RSPO4: variants seen among roughly 807,000 people sequenced by gnomAD.
RSPO4 encodes R-spondin-4.
Under a neutral mutation model 24.8 loss-of-function variants are expected in RSPO4, and 23 were observed. The ratio of observed to expected loss-of-function variants is 0.93; its 90% CI spans 0.67 to 1.31. RSPO4 has a LOEUF of 1.31. Among genes scored for constraint, RSPO4 ranks in the 40% most tolerant of loss-of-function variants. RSPO4 has a pLI of 0.00. For missense variants in RSPO4, 333 were observed against 316.5 expected (o/e 1.05, Z -0.39); for synonymous variants, 141 against 127.4 (o/e 1.11, Z -0.72).
At chr20:996,202 G>A (rs570694402) in intron 1 of RSPO4, among the ~76,000 whole-genome samples, 1 of 147,398 alleles carries the variant, frequency 6.8e-6, no homozygotes, top group Non-Finnish European at 1.5e-5. Flanking sequence ...ATTTTAGTCA[G>A]TGCTATTCCA....
At chr20:992,540 C>G (rs1183833050) in intron 1 of RSPO4, among the ~76,000 whole-genome samples, 1 of 152,164 alleles carries the variant, frequency 6.6e-6, no homozygotes, top group Admixed American at 6.5e-5. Context: ...CCTCTCCCCC[C>G]ATGACGCATG....
intron 1 of RSPO4, among the ~76,000 whole-genome samples, chr20:1,000,766 A>T (rs1414197755): frequency 6.6e-6 from 1 of 152,164 alleles, no homozygotes; most frequent in African/African-American, 2.4e-5. Context: ...GTCCCCATAG[A>T]GTCCCAAACT....
Position 1,002,132 on chromosome 20 carries a change from G to GTTTTT in RSPO4, c.32_33insAAAAA (p.Ala12LysfsTer11), listed in dbSNP as rs1985489723. 6.4e-7 allele frequency: 1 copy of GTTTTT among 1,565,220 alleles called. No individual in the cohort carries two copies. The highest frequency in any genetic ancestry group is 1.9e-5 in the Admixed American group (1 of 53,656). Reference sequence around the variant, plus strand: ...GGGCGAGCATGTCCACGGCGTGGGCGACGAGCAGGAGCAGGCAGAGTGGCG... The same window carrying GTTTTT: ...GGGCGAGCATGTCCACGGCGTGGGCGTTTTTACGAGCAGGAGCAGGCAGAGTGGCG... On this transcript the variant is annotated frameshift_variant, in exon 1 of 5. Transcript: ENST00000217260. LOFTEE classifies it high-confidence loss of function. This position sits in a 1 kb window ranked among gnomAD's most constrained non-coding sequence, Gnocchi z 4.6.
At chr20:972,383 C>T (rs895373629) in intron 1 of RSPO4, among the ~76,000 whole-genome samples, 3 of 152,226 alleles carry the variant, frequency 2.0e-5, no homozygotes, top group African/African-American at 2.4e-5. Context: ...TGATATTAAG[C>T]GGAGTTTATG....
intron 1 of RSPO4, among the ~76,000 whole-genome samples, chr20:993,634 G>A (rs1046653026): frequency 1.3e-5 from 2 of 152,186 alleles, no homozygotes; most frequent in African/African-American, 4.8e-5. Context: ...AGGAGGGCTG[G>A]CATGGTGGTT....
chr20:974,180 G>C (rs1363239066), intron 1 of RSPO4, among the ~76,000 whole-genome samples: 1 of 152,198 alleles, frequency 6.6e-6, no homozygotes, highest in Non-Finnish European at 1.5e-5. Context: ...AGCGTCTGCT[G>C]TGGGCCAGGA....
intron 4 of RSPO4, among the ~76,000 whole-genome samples, chr20:960,669 G>T (rs542451): frequency 0.19 from 29,245 of 152,230 alleles, 6,212 homozygotes; most frequent in African/African-American, 0.53. Flanking sequence ...TTCTCTCTAG[G>T]TCTTCAGGGA....
At chr20:980,725 A>C (rs1334497456) in intron 1 of RSPO4, among the ~76,000 whole-genome samples, 1 of 152,064 alleles carries the variant, frequency 6.6e-6, no homozygotes, top group Non-Finnish European at 1.5e-5. Flanking sequence ...ACATTTGTTG[A>C]TTTCATGGCC....
chr20:971,886 C>T (rs1984419115), intron 1 of RSPO4, among the ~76,000 whole-genome samples: 2 of 152,156 alleles, frequency 1.3e-5, no homozygotes, highest in South Asian at 4.1e-4. Context: ...ATTCTTTCTT[C>T]TCCTTCTCCA....
chr20:999,478 C>A (rs1985397333), intron 1 of RSPO4, among the ~76,000 whole-genome samples: 1 of 152,178 alleles, frequency 6.6e-6, no homozygotes, highest in Non-Finnish European at 1.5e-5. Context: ...ACTGCAGTGC[C>A]AGTGGGAAAC....
At chr20:992,535 C>T (rs1419413693) in intron 1 of RSPO4, among the ~76,000 whole-genome samples, 1 of 152,104 alleles carries the variant, frequency 6.6e-6, no homozygotes, top group East Asian at 1.9e-4. Flanking sequence ...CCCAACCTCT[C>T]CCCCCATGAC....
Position 964,240 on chromosome 20 carries a change from TC to T in RSPO4, c.410-121del, listed in dbSNP as rs201037847. On this transcript the variant is annotated intron_variant, in intron 3 of 4. Transcript: ENST00000217260. ...TCCTCTGAAGACTGAAGACACCACTTCCACCTGCTAGGAGCAGAGTTATTTA... is the reference window on the plus strand; with the variant it reads ...TCCTCTGAAGACTGAAGACACCACTTCACCTGCTAGGAGCAGAGTTATTTA... The T allele has an allele frequency of 1.5e-3, 1,088 of 721,970 alleles. 7 individuals are homozygous for T. The African/African-American group carries it at 0.018, about 12-fold the overall frequency. 44.7% of individuals were successfully genotyped at this position (721,970 alleles called of 1,614,324 possible).
intron 1 of RSPO4, among the ~76,000 whole-genome samples, chr20:998,661 G>C (rs1037760526): frequency 6.6e-6 from 1 of 152,156 alleles, no homozygotes; most frequent in Admixed American, 6.5e-5. Context: ...CTCAGGCATG[G>C]GGGAGGCTGG....
chr20:967,157 G>A lies in RSPO4; in HGVS notation c.409+17C>T. Reference sequence around the variant, plus strand: ...AGAGGGGAGGGGCAGGGGCAGGGCGGGGAGGTCCCCACTCACCCTGGCACT... The same window carrying A: ...AGAGGGGAGGGGCAGGGGCAGGGCGAGGAGGTCCCCACTCACCCTGGCACT... On this transcript the variant is annotated intron_variant, in intron 3 of 4. Coordinates refer to ENST00000217260, the MANE Select transcript of RSPO4 (RefSeq NM_001029871.4). The A allele has an allele frequency of 6.2e-7, 1 of 1,611,482 alleles. No individual in the cohort carries two copies. Among genetic ancestry groups the A allele is most frequent in the Non-Finnish European group, 8.5e-7 (1 of 1,179,050 alleles).
At chr20:997,008 G>A (rs1985311341) in intron 1 of RSPO4, among the ~76,000 whole-genome samples, 1 of 152,180 alleles carries the variant, frequency 6.6e-6, no homozygotes, top group Admixed American at 6.5e-5. Flanking sequence ...TATATCTATT[G>A]CACGGGCTTC....
intron 3 of RSPO4, among the ~76,000 whole-genome samples, chr20:965,216 T>C (rs919901875): frequency 6.7e-6 from 1 of 149,086 alleles, no homozygotes; most frequent in Non-Finnish European, 1.5e-5. Context: ...GGTTGGGTTG[T>C]AGGGGAGGAA....
chr20:987,603 T>C (rs1301757617), intron 1 of RSPO4, among the ~76,000 whole-genome samples: 2 of 151,400 alleles, frequency 1.3e-5, no homozygotes, highest in African/African-American at 4.9e-5. Flanking sequence ...CTGGGCAACA[T>C]AGTGAGACCC....
rs1001849435 is a variant in RSPO4 at position 981,033 on chromosome 20, A to G, written c.80-12895T>C. The stretch of plus-strand genomic sequence containing the variant: ...GCTGGCCCGAGAACTCACTTTAAGA[A>G]GCGAGGCGGGAGATGCTGTTATCAT... On this transcript the variant is annotated intron_variant, in intron 1 of 4. Coordinates refer to ENST00000217260, the MANE Select transcript of RSPO4 (RefSeq NM_001029871.4). The surrounding 1 kb of genome is among the most constrained non-coding windows in gnomAD (Gnocchi z 4.6). Among the ~76,000 whole-genome samples, 3 of 152,198 alleles carry G rather than the reference A, an allele frequency of 2.0e-5. No homozygotes were observed. The highest frequency in any genetic ancestry group is 7.2e-5 in the African/African-American group (3 of 41,450).
intron 1 of RSPO4, 93 bp from the exon 2 acceptor site, chr20:968,231 G>A: frequency 8.5e-7 from 1 of 1,182,598 alleles, no homozygotes; most frequent in South Asian, 1.3e-5. Flanking sequence ...CATTGGGATA[G>A]TAACTGGGCA....
Sources: allele counts gnomAD v4.1 joint callset (sites outside exome capture counted in the v4.1 genomes callset), GRCh38; gene constraint gnomAD v4.1.1; non-coding constraint Gnocchi (gnomAD v3.1); transcripts MANE v1.5; gene names NCBI Gene and HGNC (gene_info 2026-07-23, HGNC 2026-07-21).